ALDH1A2: variants seen among roughly 807,000 people sequenced by gnomAD.
The protein encoded by ALDH1A2 is retinal dehydrogenase 2.
ALDH1A2 carries 27 observed loss-of-function variants against 60.3 expected under a neutral mutation model. The observed-to-expected ratio is 0.45, with a 90% CI of 0.33 to 0.62. ALDH1A2 has a LOEUF of 0.62. Ranked by LOEUF, ALDH1A2 falls within the 20% of genes least tolerant of loss-of-function variation. ALDH1A2 has a pLI of 0.02. For synonymous variants in ALDH1A2, 289 were observed against 232.4 expected, an observed-to-expected ratio of 1.24 and a Z score of -2.21; for missense variants, 581 against 643.8, an observed-to-expected ratio of 0.90 and a Z score of 1.06.
intron 12 of ALDH1A2, among the ~76,000 whole-genome samples, chr15:57,960,016 C>G (rs1893668685): frequency 6.6e-6 from 1 of 152,164 alleles, no homozygotes; most frequent in African/African-American, 2.4e-5. Flanking sequence ...CATTCCTCTT[C>G]TTGAAAGGCT....
intron 10 of ALDH1A2, among the ~76,000 whole-genome samples, 193 bp from the exon 11 acceptor site, chr15:57,961,487 CCCAACTTCCCCAACCTCT>C (rs1488996237): frequency 6.6e-6 from 1 of 152,128 alleles, no homozygotes; most frequent in African/African-American, 2.4e-5. Context: ...GTTTAACCTC[CCCAACTTCCCCAACCTCT>C]CCAGCATCAC....
intron 1 of ALDH1A2, among the ~76,000 whole-genome samples, chr15:58,047,823 A>G (rs1874157): frequency 0.099 from 15,044 of 151,982 alleles, 814 homozygotes; most frequent in Middle Eastern, 0.14. Flanking sequence ...ATCTGGCTAA[A>G]AAGTGAAAAA....
chr15:57,971,785 T>C (rs1358561018), intron 7 of ALDH1A2, among the ~76,000 whole-genome samples: 1 of 152,214 alleles, frequency 6.6e-6, no homozygotes, highest in Non-Finnish European at 1.5e-5. Flanking sequence ...AGAGCAGTGG[T>C]GTGATCACGG....
At chr15:58,049,594 A>C (rs1896723652) in intron 1 of ALDH1A2, among the ~76,000 whole-genome samples, 1 of 152,042 alleles carries the variant, frequency 6.6e-6, no homozygotes, top group Admixed American at 6.6e-5. Flanking sequence ...CACTTTGCTA[A>C]ACCAGCAGAG....
At chr15:58,027,512 T>C (rs1233784259) in intron 1 of ALDH1A2, among the ~76,000 whole-genome samples, 1 of 152,090 alleles carries the variant, frequency 6.6e-6, no homozygotes, top group African/African-American at 2.4e-5. Context: ...TCACAGCTCC[T>C]CACCAGCAAT....
intron 1 of ALDH1A2, among the ~76,000 whole-genome samples, chr15:58,056,250 C>G (rs1192000330): frequency 6.6e-6 from 1 of 152,090 alleles, no homozygotes; most frequent in African/African-American, 2.4e-5. Context: ...TGTATTAAAA[C>G]CATCAATCAA....
chr15:57,965,906 C>T (rs901143472), intron 7 of ALDH1A2, 79 bp from the exon 8 acceptor site: 38 of 1,053,054 alleles, frequency 3.6e-5, no homozygotes, highest in Admixed American at 8.7e-5. Context: ...CTCAGGGCAT[C>T]AATGGGATGC....
chr15:58,059,655 A>G (rs1896973080), intron 1 of ALDH1A2, among the ~76,000 whole-genome samples: 1 of 152,178 alleles, frequency 6.6e-6, no homozygotes, highest in Non-Finnish European at 1.5e-5. Context: ...AAGCATATTC[A>G]TGCTATATTT....
chr15:58,060,835 C>T (rs1159311855), intron 1 of ALDH1A2, among the ~76,000 whole-genome samples: 1 of 152,160 alleles, frequency 6.6e-6, no homozygotes, highest in Admixed American at 6.5e-5. Context: ...GAGACAAAAA[C>T]TCCTATCAGT....
At chr15:58,048,166 G>A (rs112946582) in intron 1 of ALDH1A2, among the ~76,000 whole-genome samples, 163 of 151,768 alleles carry the variant, frequency 1.1e-3, no homozygotes, top group African/African-American at 3.0e-3. Context: ...GACAGTACAA[G>A]GTCAAAAAAA....
chr15:57,975,200 A>G (rs1894207213), intron 7 of ALDH1A2, among the ~76,000 whole-genome samples: 1 of 145,776 alleles, frequency 6.9e-6, no homozygotes, highest in South Asian at 2.1e-4. Context: ...ATTCCTAGGT[A>G]TTTACCTAAG....
chr15:57,989,072 C>A (rs1269561034), intron 7 of ALDH1A2, among the ~76,000 whole-genome samples: 1 of 152,138 alleles, frequency 6.6e-6, no homozygotes, highest in Non-Finnish European at 1.5e-5. Context: ...TCACTTGAAC[C>A]CGGGAGGCAG....
chr15:57,973,661 T>C (rs1245797240), intron 7 of ALDH1A2, among the ~76,000 whole-genome samples: 1 of 152,238 alleles, frequency 6.6e-6, no homozygotes, highest in African/African-American at 2.4e-5. Context: ...AAATTACAAA[T>C]TGGCTTTTAT....
chr15:57,999,608 G>A (rs1380089969), intron 4 of ALDH1A2, among the ~76,000 whole-genome samples: 1 of 151,902 alleles, frequency 6.6e-6, no homozygotes, highest in African/African-American at 2.4e-5. Flanking sequence ...CATTCCCACT[G>A]TTGGTGGGAA....
At chr15:58,065,462 T>A (rs995543559) in intron 1 of ALDH1A2, 72 bp downstream of exon 1, 1 of 1,326,662 alleles carries the variant, frequency 7.5e-7, no homozygotes, top group African/African-American at 1.4e-5. Context: ...CCTCACCCGC[T>A]GAAGAGATCG....
intron 1 of ALDH1A2, among the ~76,000 whole-genome samples, chr15:58,055,644 T>C (rs1232308992): frequency 1.3e-5 from 2 of 152,060 alleles, no homozygotes; most frequent in African/African-American, 4.8e-5. Flanking sequence ...GTTTTAGTTT[T>C]AAGGTTGGAG....
chr15:58,049,991 T>C (rs1896735130), intron 1 of ALDH1A2, among the ~76,000 whole-genome samples: 1 of 151,964 alleles, frequency 6.6e-6, no homozygotes, highest in South Asian at 2.1e-4. Context: ...GGCTAGTGGG[T>C]GTGAGTGTGG....
chr15:57,965,242 T>C (rs1377375752), intron 8 of ALDH1A2, among the ~76,000 whole-genome samples: 2 of 152,246 alleles, frequency 1.3e-5, no homozygotes, highest in South Asian at 2.1e-4. Flanking sequence ...TCATCCTAAC[T>C]GAAAGTCATG....
chr15:57,973,444 C>T (rs1273613123), intron 7 of ALDH1A2, among the ~76,000 whole-genome samples: 2 of 152,124 alleles, frequency 1.3e-5, no homozygotes, highest in African/African-American at 4.8e-5. Flanking sequence ...GTCCCATCTC[C>T]CTAAGGTAAT....
Sources: allele counts gnomAD v4.1 joint callset (sites outside exome capture counted in the v4.1 genomes callset), GRCh38; gene constraint gnomAD v4.1.1; transcripts MANE v1.5; gene names NCBI Gene and HGNC (gene_info 2026-07-23, HGNC 2026-07-21).